Variants in TACC2 observed in about 807,000 individuals in gnomAD.
TACC2 encodes the protein transforming acidic coiled-coil-containing protein 2.
Under a neutral mutation model 227.3 loss-of-function variants are expected in TACC2, and 137 were observed. The ratio of observed to expected loss-of-function variants is 0.60; its 90% CI spans 0.52 to 0.69. The LOEUF (loss-of-function observed/expected upper bound fraction) is 0.69. Among genes scored for constraint, TACC2 ranks in the 30% least tolerant of loss-of-function variants. The probability of loss-of-function intolerance (pLI) is 0.00; values close to 1 mark genes in which losing one functional copy is unlikely to be tolerated. For missense variants in TACC2, 3,470 were observed against 3,694.4 expected (o/e 0.94, Z 1.57); for synonymous variants, 1,523 against 1,487.5 (o/e 1.02, Z -0.55).
intron 2 of TACC2, among the ~76,000 whole-genome samples, chr10:122,033,352 G>T (rs1439158261): frequency 6.6e-6 from 1 of 152,178 alleles, no homozygotes; most frequent in Non-Finnish European, 1.5e-5. Context: ...GATTTTTTAG[G>T]ATAGTATTTT....
At chr10:122,018,139 C>T (rs1165136839) in intron 1 of TACC2, among the ~76,000 whole-genome samples, 1 of 152,052 alleles carries the variant, frequency 6.6e-6, no homozygotes, top group East Asian at 1.9e-4. Context: ...CATCCCCCAA[C>T]AGGCCCTGGT....
intron 8 of TACC2, among the ~76,000 whole-genome samples, chr10:122,199,612 C>G (rs1007979239): frequency 2.6e-4 from 39 of 152,176 alleles, no homozygotes; most frequent in African/African-American, 8.9e-4. Flanking sequence ...CTGCTATGAC[C>G]TGGGCCAGGT....
chr10:122,249,349 G>A (rs1017100121), intron 21 of TACC2, among the ~76,000 whole-genome samples, 193 bp downstream of exon 21: 1 of 152,230 alleles, frequency 6.6e-6, no homozygotes, highest in Non-Finnish European at 1.5e-5. Flanking sequence ...GTGTTGCAAT[G>A]TCCAGGGTGC....
chr10:122,224,927 G>A (rs2281671), intron 12 of TACC2, 140 bp downstream of exon 12: 264,781 of 694,742 alleles, frequency 0.38, 52,414 homozygotes, highest in South Asian at 0.47. Flanking sequence ...GTGCACAGCA[G>A]TGATGGACTG....
chr10:122,043,955 TC>T (rs2074664940), intron 2 of TACC2, among the ~76,000 whole-genome samples: 1 of 152,198 alleles, frequency 6.6e-6, no homozygotes, highest in Non-Finnish European at 1.5e-5. Flanking sequence ...TATAGATGCT[TC>T]CCCGGCTTCT....
intron 5 of TACC2, among the ~76,000 whole-genome samples, chr10:122,109,840 C>T (rs1170331178): frequency 4.6e-5 from 7 of 152,334 alleles, no homozygotes; most frequent in Admixed American, 1.3e-4. Context: ...CAGGGGCTTG[C>T]TCTGTCGCTA....
intron 5 of TACC2, among the ~76,000 whole-genome samples, chr10:122,095,377 G>C (rs1488472159): frequency 2.0e-5 from 3 of 152,202 alleles, no homozygotes; most frequent in Admixed American, 6.5e-5. Flanking sequence ...GGAGCAAATA[G>C]TACTCCCTTA....
intron 5 of TACC2, among the ~76,000 whole-genome samples, chr10:122,121,111 G>T (rs2085696225): frequency 6.6e-6 from 1 of 152,194 alleles, no homozygotes; most frequent in African/African-American, 2.4e-5. Flanking sequence ...AGAGCCTGGG[G>T]TGCCTGAAGG....
At chr10:122,174,560 A>ATT (rs2093620472) in intron 7 of TACC2, among the ~76,000 whole-genome samples, 4 of 152,206 alleles carry the variant, frequency 2.6e-5, no homozygotes, top group African/African-American at 9.7e-5. Flanking sequence ...CCAGGAGAAG[A>ATT]ATTGGTGCAT....
intron 8 of TACC2, among the ~76,000 whole-genome samples, chr10:122,207,777 A>G (rs909248433): frequency 2.6e-5 from 4 of 152,246 alleles, no homozygotes; most frequent in Admixed American, 1.3e-4. Flanking sequence ...TTGTTGCGTG[A>G]TAACTGCTGA....
intron 2 of TACC2, among the ~76,000 whole-genome samples, chr10:122,029,530 G>A (rs758076188): frequency 2.1e-4 from 32 of 152,106 alleles, no homozygotes; most frequent in African/African-American, 1.2e-4. Context: ...GCTTGCTCCT[G>A]TTCTGTTTTC....
intron 7 of TACC2, among the ~76,000 whole-genome samples, chr10:122,151,293 G>A (rs550407134): frequency 3.9e-5 from 6 of 152,316 alleles, no homozygotes; most frequent in African/African-American, 1.2e-4. Flanking sequence ...TGGAGAAGTT[G>A]GGAAGGCTTC....
intron 5 of TACC2, among the ~76,000 whole-genome samples, chr10:122,094,562 A>G (rs920155889): frequency 6.6e-6 from 1 of 152,206 alleles, no homozygotes; most frequent in Non-Finnish European, 1.5e-5. Context: ...TATTATAGGC[A>G]TGAGCCACCA....
chr10:122,203,305 T>A (rs1204210174), intron 8 of TACC2, among the ~76,000 whole-genome samples: 3 of 123,550 alleles, frequency 2.4e-5, no homozygotes, highest in African/African-American at 1.2e-4. Flanking sequence ...CACTTCCCAG[T>A]AGGGGCGGCC....
chr10:122,220,583 GTGAT>G (rs1384439659), intron 11 of TACC2, among the ~76,000 whole-genome samples: 5 of 152,230 alleles, frequency 3.3e-5, no homozygotes. Flanking sequence ...GGGTGCTGAT[GTGAT>G]TGATCGTCAG....
chr10:122,098,059 TGTGGGGCAG>T (rs1474761146), intron 5 of TACC2, among the ~76,000 whole-genome samples: 1 of 152,064 alleles, frequency 6.6e-6, no homozygotes, highest in Admixed American at 6.5e-5. Flanking sequence ...GGTAGGTTGA[TGTGGGGCAG>T]GTGAGTGACA....
Position 122,084,094 on chromosome 10 carries a change from C to G in TACC2, c.1594C>G (p.Pro532Ala), listed in dbSNP as rs1190786875. 1.2e-6 allele frequency: 2 copies of G among 1,614,110 alleles called. No homozygotes were observed. The highest frequency in any genetic ancestry group is 1.7e-6 in the Non-Finnish European group (2 of 1,179,984). The change falls in exon 4 of 23, where the codon CCC becomes GCC. Residue 532 changes from proline (P) to alanine (A), a missense_variant. Pro to Ala is a conservative substitution (Grantham distance 27). Around this residue, in one of 10 missense-constraint regions of TACC2, gnomAD observed 1,924 missense variants for 1,978.3 expected, o/e 0.97. Coordinates refer to ENST00000369005, the MANE Select transcript of TACC2 (RefSeq NM_206862.4). ...QSHEVQPGAP[P>A]PPLPKAPSES... is the part of the protein sequence containing the mutation. ...CCATGAGGTCCAACCAGGAGCACCA[C>G]CCCCTCCTCTTCCCAAGGCACCAAG...
At chr10:122,223,024 C>CTCCT (rs1248164806) in intron 11 of TACC2, among the ~76,000 whole-genome samples, 1 of 150,258 alleles carries the variant, frequency 6.7e-6, no homozygotes, top group Non-Finnish European at 1.5e-5. Context: ...CCATCCCTGT[C>CTCCT]TCCTTCCTCC....
At chr10:122,204,666 T>A (rs553401290) in intron 8 of TACC2, among the ~76,000 whole-genome samples, 19 of 152,252 alleles carry the variant, frequency 1.2e-4, no homozygotes, top group Non-Finnish European at 2.1e-4. Context: ...CAAGACTGCA[T>A]CTCTACAAAA....
Sources: allele counts gnomAD v4.1 joint callset (sites outside exome capture counted in the v4.1 genomes callset), GRCh38; gene constraint gnomAD v4.1.1; regional missense constraint gnomAD v4.1.1; transcripts MANE v1.5; gene names NCBI Gene and HGNC (gene_info 2026-07-23, HGNC 2026-07-21).